IGSF5: variants seen among roughly 807,000 people sequenced by gnomAD.
IGSF5 encodes the protein immunoglobulin superfamily 5 like.
IGSF5 carries 41 observed loss-of-function variants against 39.4 expected under a neutral mutation model. That is an observed-to-expected ratio of 1.04 (90% confidence interval 0.81 to 1.35). IGSF5 has a LOEUF of 1.35. Ranked by LOEUF, IGSF5 falls within the 40% of genes most tolerant of loss-of-function variation. IGSF5 has a pLI of 0.00. For missense variants in IGSF5, 487 were observed against 494.6 expected, an observed-to-expected ratio of 0.98 and a Z score of 0.15; for synonymous variants, 183 against 175.3, an observed-to-expected ratio of 1.04 and a Z score of -0.34.
chr21:39,780,940 G>C (rs1019767828), intron 5 of IGSF5, among the ~76,000 whole-genome samples: 5 of 152,214 alleles, frequency 3.3e-5, no homozygotes, highest in Admixed American at 3.3e-4. Flanking sequence ...AAAGATCGGA[G>C]TTTTGATGTT....
At chr21:39,712,571 G>A in the IGSF5 span, among the ~76,000 whole-genome samples, 1 of 152,108 alleles carries the variant, frequency 6.6e-6, no homozygotes, top group Admixed American at 6.5e-5. Context: ...TGGGTATTTA[G>A]TAGCTAGATC....
the IGSF5 span, among the ~76,000 whole-genome samples, chr21:39,724,230 A>G: frequency 6.6e-6 from 1 of 152,222 alleles, no homozygotes; most frequent in South Asian, 2.1e-4. Context: ...TTATATGAGT[A>G]CTTTTATTTG....
At chr21:39,774,122 G>A (rs1158604764) in intron 4 of IGSF5, among the ~76,000 whole-genome samples, 11 of 152,202 alleles carry the variant, frequency 7.2e-5, no homozygotes, top group South Asian at 4.1e-4. Context: ...TTGGAACAGG[G>A]TAATTTGTTT....
At chr21:39,770,592 A>AC (rs1028748977) in intron 3 of IGSF5, among the ~76,000 whole-genome samples, 14 of 151,576 alleles carry the variant, frequency 9.2e-5, no homozygotes, top group African/African-American at 3.2e-4. Flanking sequence ...GGATTGTATA[A>AC]CCCCCCTATG....
intron 2 of IGSF5, among the ~76,000 whole-genome samples, chr21:39,752,250 G>A (rs759999498): frequency 2.6e-5 from 4 of 152,166 alleles, no homozygotes; most frequent in Admixed American, 6.5e-5. Context: ...TTATAAGTGA[G>A]AACATATGAT....
At chr21:39,789,931 C>G (rs1276180821) in intron 6 of IGSF5, among the ~76,000 whole-genome samples, 1 of 152,102 alleles carries the variant, frequency 6.6e-6, no homozygotes, top group Non-Finnish European at 1.5e-5. Flanking sequence ...TATTTGTTTG[C>G]TAGTTTTAGA....
intron 4 of IGSF5, among the ~76,000 whole-genome samples, chr21:39,776,190 G>A (rs1187021539): frequency 1.7e-5 from 2 of 119,212 alleles, no homozygotes; most frequent in South Asian, 3.0e-4. Flanking sequence ...ATGCATGTGT[G>A]TATACCTATG....
rs2087031787 is a variant in IGSF5 at position 39,801,851 on chromosome 21, G to A, written c.*494G>A. 6.5e-6 allele frequency: 1 copy of A among 152,970 alleles called. No individual in the cohort carries two copies. Among genetic ancestry groups the A allele is most frequent in the African/African-American group, 2.4e-5 (1 of 41,456 alleles). 9.5% of individuals were successfully genotyped at this position (152,970 alleles called of 1,614,324 possible). A position where few individuals can be genotyped will look rare whatever the true frequency, so the allele number is the denominator to read the frequency against. ...ACTGTCAAAACTGAGCTCAGTTAAA[G>A]TAAGATTCAATTCTAACATGGATGT... On this transcript the variant is annotated 3_prime_UTR_variant, in exon 9 of 9. Transcript: ENST00000380588.
Position 39,745,442 on chromosome 21 carries a change from T to C in IGSF5, c.-68T>C. ...CCTAGGAGGCAGGGATCAGAGGAAG[T>C]AGATTCAGAGGTAAGGAGAATTTTG... On this transcript the variant is annotated 5_prime_UTR_variant, in exon 1 of 9. Transcript: ENST00000380588. 1.4e-6 allele frequency: 1 copy of C among 704,210 alleles called. No individual in the cohort carries two copies. The highest frequency in any genetic ancestry group is 2.0e-5 in the Admixed American group (1 of 49,288). 43.6% of individuals were successfully genotyped at this position (704,210 alleles called of 1,614,324 possible).
intron 2 of IGSF5, among the ~76,000 whole-genome samples, chr21:39,757,043 C>CT (rs1442790543): frequency 1.0e-4 from 2 of 19,106 alleles, no homozygotes; most frequent in East Asian, 3.7e-3. Context: ...CAGGCACAGT[C>CT]CCCCCGAGAG....
chr21:39,770,866 G>T (rs1001529364), intron 3 of IGSF5, 50 bp from the exon 4 acceptor site: 1 of 1,225,806 alleles, frequency 8.2e-7, no homozygotes, highest in Non-Finnish European at 1.1e-6. Context: ...AAACTTAGAA[G>T]CGAGAGGCAT....
Position 39,796,596 on chromosome 21 carries a change from C to T in IGSF5, c.1128+2983C>T, listed in dbSNP as rs75479817. Among the ~76,000 whole-genome samples, 262 of 152,358 alleles carry T rather than the reference C, an allele frequency of 1.7e-3. 1 individual carries two copies. The highest frequency in any genetic ancestry group is 6.1e-3 in the African/African-American group (252 of 41,580). On this transcript the variant is annotated intron_variant, in intron 8 of 8. Transcript: ENST00000380588. Reference sequence around the variant, plus strand: ...TATGACTCCAATTTGTCAGAGCCTCCTGAGCTGCTGCCGCATGTTTTGCGC... The same window carrying T: ...TATGACTCCAATTTGTCAGAGCCTCTTGAGCTGCTGCCGCATGTTTTGCGC...
the IGSF5 span, chr21:39,730,637 G>C: frequency 6.6e-6 from 1 of 152,154 alleles, no homozygotes; most frequent in African/African-American, 2.4e-5. Context: ...AAAGGCCAGC[G>C]TAGTCATTTC....
intron 5 of IGSF5, among the ~76,000 whole-genome samples, chr21:39,787,426 C>G (rs1210106120): frequency 6.6e-6 from 1 of 152,134 alleles, no homozygotes. Context: ...GTAAAGATCA[C>G]AGGCTTTTGG....
chr21:39,796,296 G>A (rs192896779), intron 8 of IGSF5, among the ~76,000 whole-genome samples: 14 of 152,284 alleles, frequency 9.2e-5, no homozygotes, highest in African/African-American at 3.4e-4. Flanking sequence ...TGGTACAGAG[G>A]TTCCTTTTAA....
At chr21:39,771,899 A>C (rs2080116421) in intron 4 of IGSF5, among the ~76,000 whole-genome samples, 1 of 152,170 alleles carries the variant, frequency 6.6e-6, no homozygotes, top group South Asian at 2.1e-4. Context: ...CATTTTACAA[A>C]AAAGGAAGTG....
chr21:39,768,285 G>T (rs977871850), intron 3 of IGSF5, among the ~76,000 whole-genome samples: 5 of 152,026 alleles, frequency 3.3e-5, no homozygotes, highest in Admixed American at 1.3e-4. Context: ...AAGGGAGAAA[G>T]AATCTTGAAA....
intron 8 of IGSF5, among the ~76,000 whole-genome samples, chr21:39,794,419 T>G (rs1043992486): frequency 1.3e-5 from 2 of 152,166 alleles, no homozygotes; most frequent in African/African-American, 4.8e-5. Flanking sequence ...TGGCAATGTT[T>G]CGATGGGAGC....
At chr21:39,757,112 C>T (rs1282857849) in intron 2 of IGSF5, among the ~76,000 whole-genome samples, 5 of 151,922 alleles carry the variant, frequency 3.3e-5, no homozygotes, top group African/African-American at 9.7e-5. Flanking sequence ...TCCAATGCGG[C>T]GGCTGTTGTC....
Sources: allele counts gnomAD v4.1 joint callset (sites outside exome capture counted in the v4.1 genomes callset), GRCh38; gene constraint gnomAD v4.1.1; transcripts MANE v1.5; gene names NCBI Gene and HGNC (gene_info 2026-07-23, HGNC 2026-07-21).